The following DPP10 variants were observed in gnomAD, a reference collection of about 807,000 sequenced individuals.
DPP10 encodes dipeptidyl peptidase like 10.
DPP10 carries 33 observed loss-of-function variants against 120.9 expected under a neutral mutation model. The ratio of observed to expected loss-of-function variants is 0.27; its 90% CI spans 0.21 to 0.37. The LOEUF (loss-of-function observed/expected upper bound fraction) is 0.37. DPP10 is among the 10% of genes least tolerant of loss of function. DPP10 has a pLI of 1.00. For synonymous variants in DPP10, 337 were observed against 326.1 expected (o/e 1.03, Z -0.36); for missense variants, 816 against 942.8 (o/e 0.87, Z 1.76).
intron 1 of DPP10, among the ~76,000 whole-genome samples, chr2:115,105,062 C>A (rs1385346660): frequency 6.6e-6 from 1 of 152,058 alleles, no homozygotes; most frequent in Admixed American, 6.5e-5. Flanking sequence ...GATTGAATTT[C>A]CCCATGGTTA....
At chr2:115,075,038 G>A (rs1707674006) in intron 1 of DPP10, among the ~76,000 whole-genome samples, 1 of 152,208 alleles carries the variant, frequency 6.6e-6, no homozygotes. Flanking sequence ...ACAGACAAGA[G>A]AGTGAGAAGC....
At chr2:115,277,267 A>G (rs2059956949) in intron 1 of DPP10, among the ~76,000 whole-genome samples, 1 of 152,150 alleles carries the variant, frequency 6.6e-6, no homozygotes, top group Admixed American at 6.5e-5. Context: ...CATTTCAGAA[A>G]GTCCAGAAAA....
intron 3 of DPP10, among the ~76,000 whole-genome samples, chr2:115,493,857 TG>T (rs2076256421): frequency 6.6e-6 from 1 of 152,018 alleles, no homozygotes; most frequent in African/African-American, 2.4e-5. Context: ...GAGAACAAGG[TG>T]GAAACCCCTC....
intron 5 of DPP10, among the ~76,000 whole-genome samples, chr2:115,531,516 T>A (rs1015940229): frequency 6.6e-6 from 1 of 152,154 alleles, no homozygotes; most frequent in African/African-American, 2.4e-5. Flanking sequence ...AACGTCCAAC[T>A]GTTCATTTCT....
chr2:114,479,317 G>C (rs10193990), intron 1 of DPP10, among the ~76,000 whole-genome samples: 2 of 151,488 alleles, frequency 1.3e-5, no homozygotes, highest in African/African-American at 4.9e-5. Context: ...TGAAATATGA[G>C]GAATCATTCT....
chr2:115,452,359 TG>T (rs1277820445), intron 3 of DPP10, among the ~76,000 whole-genome samples: 2 of 151,830 alleles, frequency 1.3e-5, no homozygotes, highest in Admixed American at 6.6e-5. Flanking sequence ...TTAAACAAAT[TG>T]GTTAAATAGG....
chr2:115,658,022 A>G (rs1005926247), intron 5 of DPP10, among the ~76,000 whole-genome samples: 6 of 152,000 alleles, frequency 3.9e-5, no homozygotes, highest in African/African-American at 1.4e-4. Context: ...CAGTAAAACT[A>G]GTGATATATT....
chr2:115,834,853 G>A (rs557427087), intron 21 of DPP10, among the ~76,000 whole-genome samples: 5 of 152,196 alleles, frequency 3.3e-5, no homozygotes, highest in East Asian at 3.9e-4. Flanking sequence ...TTGGGAGGCC[G>A]AGGCGGGTAG....
At chr2:115,479,191 T>C (rs999902943) in intron 3 of DPP10, among the ~76,000 whole-genome samples, 3 of 152,096 alleles carry the variant, frequency 2.0e-5, no homozygotes, top group African/African-American at 7.2e-5. Context: ...AAACAAAATG[T>C]GGGATATACA....
rs953287335 is a variant in DPP10 at position 115,695,547 on chromosome 2, C to T, written c.576+5626C>T. On this transcript the variant is annotated intron_variant, in intron 7 of 25. Transcript: ENST00000410059. ...TCCCCTTTATAAAACCATCAGATCTCATGAGACTTATTCACTATCATGAGA... is the reference window on the plus strand; with the variant it reads ...TCCCCTTTATAAAACCATCAGATCTTATGAGACTTATTCACTATCATGAGA... Among the ~76,000 whole-genome samples, 10 of 152,098 alleles carry T rather than the reference C, an allele frequency of 6.6e-5. No homozygotes were observed. In the South Asian group the frequency reaches 1.2e-3, roughly 19 times the overall value.
At chr2:115,249,831 G>T (rs547573801) in intron 1 of DPP10, among the ~76,000 whole-genome samples, 1 of 152,254 alleles carries the variant, frequency 6.6e-6, no homozygotes, top group Non-Finnish European at 1.5e-5. Flanking sequence ...CAGGAAGGCT[G>T]TTGTGGTGAA....
intron 1 of DPP10, among the ~76,000 whole-genome samples, chr2:115,220,481 G>A (rs2057085012): frequency 6.6e-6 from 1 of 152,278 alleles, no homozygotes; most frequent in South Asian, 2.1e-4. Flanking sequence ...GGAGGCTGAG[G>A]TGGGAGGATT....
intron 1 of DPP10, among the ~76,000 whole-genome samples, chr2:114,984,724 G>A (rs1700294635): frequency 6.6e-6 from 1 of 152,158 alleles, no homozygotes; most frequent in African/African-American, 2.4e-5. Context: ...CATTATCCTA[G>A]TTGGTTATTT....
At chr2:114,850,225 C>T (rs2106483453) in intron 1 of DPP10, among the ~76,000 whole-genome samples, 1 of 152,084 alleles carries the variant, frequency 6.6e-6, no homozygotes, top group South Asian at 2.1e-4. Flanking sequence ...TGGGGTTCCA[C>T]CATGTTGCCC....
At chr2:115,444,879 T>C (rs2072425005) in intron 3 of DPP10, among the ~76,000 whole-genome samples, 1 of 152,178 alleles carries the variant, frequency 6.6e-6, no homozygotes, top group South Asian at 2.1e-4. Flanking sequence ...AATATTTGGC[T>C]CACATTAGCT....
intron 3 of DPP10, among the ~76,000 whole-genome samples, chr2:115,393,933 C>G (rs2067491293): frequency 1.3e-5 from 2 of 151,862 alleles, no homozygotes; most frequent in Admixed American, 1.3e-4. Flanking sequence ...AATCTAGGAC[C>G]TGAAAGAACT....
At chr2:114,948,548 A>G (rs1697541454) in intron 1 of DPP10, among the ~76,000 whole-genome samples, 1 of 152,116 alleles carries the variant, frequency 6.6e-6, no homozygotes, top group Non-Finnish European at 1.5e-5. Context: ...TTCCCTTTTT[A>G]TAATTTTAAA....
At chr2:115,189,741 C>A (rs1380968460) in intron 1 of DPP10, among the ~76,000 whole-genome samples, 3 of 152,150 alleles carry the variant, frequency 2.0e-5, no homozygotes, top group Non-Finnish European at 4.4e-5. Context: ...TTAGTAAGTG[C>A]TGCCTCTATG....
chr2:115,502,120 T>A (rs933006454), intron 4 of DPP10, among the ~76,000 whole-genome samples: 1 of 152,110 alleles, frequency 6.6e-6, no homozygotes, highest in African/African-American at 2.4e-5. Context: ...TAATTTGACA[T>A]CTTAATTTAT....
Sources: allele counts gnomAD v4.1 joint callset (sites outside exome capture counted in the v4.1 genomes callset), GRCh38; gene constraint gnomAD v4.1.1; transcripts MANE v1.5; gene names NCBI Gene and HGNC (gene_info 2026-07-23, HGNC 2026-07-21).